The following POLD1 variants were observed in gnomAD, a reference collection of about 807,000 sequenced individuals.
The protein encoded by POLD1 is DNA polymerase delta catalytic subunit.
A neutral mutation model predicts 129.7 loss-of-function variants in POLD1; 79 were observed. That is an observed-to-expected ratio of 0.61 (90% CI 0.51 to 0.73). The LOEUF (loss-of-function observed/expected upper bound fraction) is 0.73, where lower values mean the gene tolerates loss of function less well. Among genes scored for constraint, POLD1 ranks in the 30% least tolerant of loss-of-function variants. The pLI, the probability that POLD1 is intolerant of heterozygous loss-of-function variation, is 0.00. For missense variants in POLD1, 1,338 were observed against 1,595.8 expected (o/e 0.84, Z 2.75); for synonymous variants, 714 against 683.3 (o/e 1.04, Z -0.70).
intron 1 of POLD1, among the ~76,000 whole-genome samples, chr19:50,395,998 A>G (rs1462745255): frequency 4.1e-5 from 6 of 147,770 alleles, no homozygotes; most frequent in African/African-American, 1.5e-4. Context: ...GATTACAGGC[A>G]TAAGCCACTA....
At chr19:50,417,325 G>A (rs1189230521) in intron 26 of POLD1, 56 bp downstream of exon 26, 1 of 1,284,186 alleles carries the variant, frequency 7.8e-7, no homozygotes, top group Non-Finnish European at 1.1e-6. Flanking sequence ...TCCCAGGCCT[G>A]TGGGTTGTGG....
Position 50,417,046 on chromosome 19 carries a change from A to T in POLD1, c.3069A>T (p.Gly1023=). The T allele has an allele frequency of 6.5e-7, 1 of 1,550,280 alleles. No homozygotes were observed. Among genetic ancestry groups the T allele is most frequent in the South Asian group, 1.2e-5 (1 of 84,024 alleles). The part of the protein sequence containing the change: ...IGCRTVLSHQ[G]AVCEFCQPRE... ...TTGGGCTGACCCGCCTCCCCACAGGAGCCGTGTGTGAGTTCTGCCAGCCCC... is the reference window on the plus strand; with the variant it reads ...TTGGGCTGACCCGCCTCCCCACAGGTGCCGTGTGTGAGTTCTGCCAGCCCC... The change falls in exon 25 of 27, where the codon GGA becomes GGT. Residue 1023 remains glycine, a splice_region_variant and synonymous_variant. Coordinates refer to ENST00000440232, the MANE Select transcript of POLD1 (RefSeq NM_002691.4).
chr19:50,415,770 G>A lies in POLD1; in HGVS notation c.2764G>A (p.Val922Ile), dbSNP rs775310798. 6.5e-6 allele frequency: 10 copies of A among 1,542,020 alleles called. No individual in the cohort carries two copies. The highest frequency in any genetic ancestry group is 5.5e-5 in the African/African-American group (4 of 72,846). Residue 922 changes from valine to isoleucine, a missense_variant, in exon 22 of 27, where the codon GTC becomes ATC. By Grantham distance (29) the Val-to-Ile change is conservative (BLOSUM62 3). This residue lies in a region of POLD1 where 286 missense variants were observed against 277.5 expected (regional missense o/e 1.03). Coordinates refer to ENST00000440232, the MANE Select transcript of POLD1 (RefSeq NM_002691.4). ...PGSAPSLGDR[V>I]PYVIISAAKG... ...GAGTGCGCCCAGCCTGGGCGACCGC[G>A]TCCCCTACGTGATCATCAGTGCCGC...
In POLD1 at chr19:50,406,942, C is replaced by A; in HGVS notation, c.1495-41C>A. 1.3e-6 allele frequency: 2 copies of A among 1,487,486 alleles called. No individual in the cohort carries two copies. The highest frequency in any genetic ancestry group is 1.3e-5 in the South Asian group (1 of 79,780). The allele number at this position is 1,487,486 out of a possible 1,614,324, so 92.1% of individuals were successfully genotyped here. On this transcript the variant is annotated intron_variant, in intron 12 of 26. Transcript: ENST00000440232. This position sits in a 1 kb window ranked among gnomAD's most constrained non-coding sequence, Gnocchi z 5.5. ...TCCTTCTCCTGCTCCACCTCCCACCCCCAACCCCTGGTCCCTGACCCCATC... is the reference window on the plus strand; with the variant it reads ...TCCTTCTCCTGCTCCACCTCCCACCACCAACCCCTGGTCCCTGACCCCATC...
intron 17 of POLD1, among the ~76,000 whole-genome samples, chr19:50,411,214 G>A (rs1228485843): frequency 6.6e-6 from 1 of 152,200 alleles, no homozygotes; most frequent in Admixed American, 6.5e-5. Flanking sequence ...TAGACTACCA[G>A]GAGCCAGGCA....
intron 26 of POLD1, 138 bp downstream of exon 26, chr19:50,417,407 T>G: frequency 1.6e-6 from 1 of 629,230 alleles, no homozygotes; most frequent in South Asian, 1.9e-5. Flanking sequence ...TGAGCTGTCC[T>G]GAGCCTCAGT....
At position 50,403,056 on chromosome 19, in the gene POLD1, T is replaced by A. The variant is rs2038720962; in HGVS notation, c.974T>A (p.Ile325Asn). The A allele has an allele frequency of 6.4e-7, 1 of 1,557,720 alleles. No homozygotes were observed. Among genetic ancestry groups the A allele is most frequent in the Non-Finnish European group, 8.7e-7 (1 of 1,150,402 alleles). The change falls in exon 9 of 27, where the codon ATC (isoleucine) becomes AAC (asparagine). Residue 325 changes from isoleucine (I) to asparagine (N), a missense_variant. By Grantham distance (149) the Ile-to-Asn change is moderately radical (BLOSUM62 -3). This residue lies in a region of POLD1 where 720 missense variants were observed against 1,002.6 expected (regional missense o/e 0.72). Transcript: ENST00000440232. ...CCTGCATCCTCCTGCCTCGCAGGCA[T>A]CTTCCCTGAGCCTGAGCGGGACCCT... is the stretch of plus-strand genomic sequence containing the variant. ...FDIECAGRKG[I>N]FPEPERDPVI...
chr19:50,402,381 C>G lies in POLD1; in HGVS notation c.758+8C>G, dbSNP rs377133822. ...CGTCGACTTTGAGATCCGGTACGGC[C>G]TCTGCCTCACTTCTCCGGCCTCTAT... On this transcript the variant is annotated splice_region_variant and intron_variant, in intron 6 of 26. Transcript: ENST00000440232. 1.9e-5 allele frequency: 31 copies of G among 1,613,176 alleles called. No homozygotes were observed. The African/African-American group carries it at 3.9e-4, about 20-fold the overall frequency.
At chr19:50,402,855 C>A in intron 8 of POLD1, 114 bp downstream of exon 8, 1 of 1,427,414 alleles carries the variant, frequency 7.0e-7, no homozygotes, top group Non-Finnish European at 9.5e-7. Context: ...GCAGGAGCAC[C>A]CCAGCCCATG....
rs777018011 is a variant in POLD1 at position 50,417,229 on chromosome 19, C to T, written c.3178C>T (p.Arg1060Cys). 6 of 1,604,524 alleles carry T rather than the reference C, an allele frequency of 3.7e-6. No individual in the cohort carries two copies. Among genetic ancestry groups the T allele is most frequent in the Admixed American group, 1.7e-5 (1 of 59,676 alleles). The change falls in exon 26 of 27, where the codon CGC (arginine) becomes TGC (cysteine). Residue 1060 changes from arginine (R) to cysteine (C), a missense_variant. Coordinates refer to ENST00000440232, the MANE Select transcript of POLD1 (RefSeq NM_002691.4). ...RFSRLWTQCQ[R>C]CQGSLHEDVI... is the part of the protein sequence containing the mutation. ...CTCGCGCCTCTGGACGCAGTGCCAG[C>T]GCTGCCAGGGCAGCCTGCACGAGGA...
chr19:50,386,201 G>A lies in POLD1; in HGVS notation c.-2+1811G>A, dbSNP rs748769828. Among the ~76,000 whole-genome samples, 15 of 151,914 alleles carry A rather than the reference G, an allele frequency of 9.9e-5. No individual in the cohort carries two copies. In the East Asian group the frequency reaches 1.2e-3, roughly 12 times the overall value. The stretch of plus-strand genomic sequence containing the variant: ...GTCGCCCAGGCTGGAGTGCAGTGGC[G>A]CGATCTCGGCTCACTAACCTCCACC... On this transcript the variant is annotated intron_variant, in intron 1 of 26. Coordinates refer to ENST00000440232, the MANE Select transcript of POLD1 (RefSeq NM_002691.4).
In POLD1 at chr19:50,410,964, T is replaced by TA. The variant is rs1310329490; in HGVS notation, c.2154+1298_2154+1299insA. On this transcript the variant is annotated intron_variant, in intron 17 of 26. Transcript: ENST00000440232. ...TCCCAGGTACACAAACACCTTTTTT[T>TA]TTTTTTTTTTTGAGACAGAGTCTCA... 2.7e-5 allele frequency: 4 copies of TA among 149,270 alleles called. No homozygotes were observed. In the East Asian group the frequency reaches 7.9e-4, roughly 29 times the overall value. 9.2% of individuals were successfully genotyped at this position (149,270 alleles called of 1,614,324 possible).
At chr19:50,399,232 C>T (rs1235983086) in intron 2 of POLD1, 139 bp from the exon 3 acceptor site, 1 of 1,147,932 alleles carries the variant, frequency 8.7e-7, no homozygotes, top group African/African-American at 1.5e-5. Flanking sequence ...TGGCCCTGAC[C>T]CTTGACCCTC....
rs1403890197 is a variant in POLD1, at chr19:50,406,787, C to T, written c.1495-196C>T. On this transcript the variant is annotated intron_variant, in intron 12 of 26. Transcript: ENST00000440232. The surrounding 1 kb of genome is among the most constrained non-coding windows in gnomAD (Gnocchi z 5.5). ...CCTTCAGGCTGCTCCCTCCTCCTCC[C>T]TCTGGCCCTGTGGACTCCCTGGCCC... Among the ~76,000 whole-genome samples the T allele has an allele frequency of 6.6e-6, 1 of 152,126 alleles. No homozygotes were observed.
intron 1 of POLD1, among the ~76,000 whole-genome samples, chr19:50,397,403 C>CTT (rs1212103062): frequency 0.026 from 3,420 of 133,596 alleles, 170 homozygotes; most frequent in African/African-American, 0.092. Context: ...GAGATTCTGT[C>CTT]TTTTTTTTTT....
intron 1 of POLD1, among the ~76,000 whole-genome samples, chr19:50,395,570 C>T (rs1673027): frequency 3.3e-5 from 5 of 149,570 alleles, no homozygotes; most frequent in South Asian, 2.1e-4. Flanking sequence ...GGAGACAGAG[C>T]GAGACTCCGT....
chr19:50,409,737 G>A lies in POLD1; in HGVS notation c.2154+71G>A, dbSNP rs2122392916. On this transcript the variant is annotated intron_variant, in intron 17 of 26. Transcript: ENST00000440232. This position sits in a 1 kb window ranked among gnomAD's most constrained non-coding sequence, Gnocchi z 5.8. ...CCTGTGTAGGAGACCAGGGCTCCATGTGGGGGACCTGTATCCAGAGGACTG... is the reference window on the plus strand; with the variant it reads ...CCTGTGTAGGAGACCAGGGCTCCATATGGGGGACCTGTATCCAGAGGACTG... The A allele has an allele frequency of 1.4e-6, 2 of 1,479,046 alleles. No individual in the cohort carries two copies. Among genetic ancestry groups the A allele is most frequent in the East Asian group, 2.3e-5 (1 of 43,812 alleles). The allele number at this position is 1,479,046 out of a possible 1,614,324, so 91.6% of individuals were successfully genotyped here. A position where few individuals can be genotyped will look rare whatever the true frequency, so the allele number is the denominator to read the frequency against.
At chr19:50,404,007 T>TA (rs1403589119) in intron 10 of POLD1, among the ~76,000 whole-genome samples, 2 of 152,148 alleles carry the variant, frequency 1.3e-5, no homozygotes, top group African/African-American at 4.8e-5. Context: ...TGCATGTGTG[T>TA]AAGGGTGGAT....
intron 1 of POLD1, among the ~76,000 whole-genome samples, chr19:50,393,280 A>G (rs1296689251): frequency 6.6e-6 from 1 of 152,140 alleles, no homozygotes; most frequent in Non-Finnish European, 1.5e-5. Context: ...AGCAGCCACT[A>G]GTCTGATTTC....
Sources: gnomAD v4.1 joint callset for allele counts (sites outside exome capture counted in the v4.1 genomes callset) on GRCh38, gnomAD v4.1.1 for gene constraint, gnomAD v4.1.1 regional missense constraint, Gnocchi (gnomAD v3.1) non-coding constraint, MANE v1.5 for transcripts, NCBI Gene and HGNC (gene_info 2026-07-23, HGNC 2026-07-21) for gene names.